Variants in TDRD10 observed in about 807,000 individuals in gnomAD.
TDRD10 encodes tudor domain-containing protein 10.
A neutral mutation model predicts 48.0 loss-of-function variants in TDRD10; 40 were observed. That is an observed-to-expected ratio of 0.83 (90% CI 0.65 to 1.09). The LOEUF is 1.09. TDRD10 is among the 50% of genes least tolerant of loss of function. The pLI is 0.00. For missense variants in TDRD10, 378 were observed against 434.7 expected (o/e 0.87, Z 1.16); for synonymous variants, 162 against 170.4 (o/e 0.95, Z 0.38).
At chr1:154,541,906 G>T (rs1695255109) in intron 6 of TDRD10, 118 bp from the exon 7 acceptor site, 12 of 948,662 alleles carry the variant, frequency 1.3e-5, no homozygotes, top group Admixed American at 2.4e-5. Context: ...TCTAAAGTCG[G>T]AGTCAGAACA....
chr1:154,520,028 C>T (rs745414483), intron 4 of TDRD10, among the ~76,000 whole-genome samples: 21 of 152,160 alleles, frequency 1.4e-4, no homozygotes, highest in Admixed American at 6.5e-4. Context: ...AATGACAGGC[C>T]GTGTGCGCCC....
chr1:154,515,274 AG>A (rs1175203845), intron 4 of TDRD10, among the ~76,000 whole-genome samples: 1 of 152,070 alleles, frequency 6.6e-6, no homozygotes, highest in Non-Finnish European at 1.5e-5. Context: ...CTGGGATTAC[AG>A]GTATGAGCCA....
rs1460652232 is a variant in TDRD10 at position 154,547,405 on chromosome 1, G to A, written c.953-4G>A. 6.2e-7 allele frequency: 1 copy of A among 1,614,096 alleles called. No individual in the cohort carries two copies. Among genetic ancestry groups the A allele is most frequent in the South Asian group, 1.1e-5 (1 of 91,084 alleles). On this transcript the variant is annotated splice_region_variant and splice_polypyrimidine_tract_variant and intron_variant, in intron 11 of 12. Transcript: ENST00000368482. ...AGGTTTTGTTGTTGTGTCTTGTTTT[G>A]CAGACATTTTGAGTTCGTATGAGGT...
chr1:154,516,162 G>A (rs979387091), intron 4 of TDRD10, among the ~76,000 whole-genome samples: 4 of 152,216 alleles, frequency 2.6e-5, no homozygotes, highest in African/African-American at 7.2e-5. Context: ...AGGAAGTGAA[G>A]ATAGCATAGA....
chr1:154,541,775 G>A (rs1441425790), intron 6 of TDRD10: 5 of 448,236 alleles, frequency 1.1e-5, no homozygotes, highest in Non-Finnish European at 2.0e-5. Flanking sequence ...TGTAGCTCCA[G>A]ATGAGTGCTC....
chr1:154,528,383 G>T (rs534207246), intron 6 of TDRD10, among the ~76,000 whole-genome samples: 1 of 150,550 alleles, frequency 6.6e-6, no homozygotes, highest in East Asian at 2.1e-4. Flanking sequence ...ACCACCACGC[G>T]CAGCAAATTT....
chr1:154,547,097 T>G (rs1695638729), intron 11 of TDRD10, among the ~76,000 whole-genome samples: 1 of 152,188 alleles, frequency 6.6e-6, no homozygotes, highest in Admixed American at 6.5e-5. Context: ...AGAGCAGAGT[T>G]CAGTGAACGT....
At chr1:154,524,661 T>C (rs1447909194) in intron 6 of TDRD10, among the ~76,000 whole-genome samples, 1 of 152,222 alleles carries the variant, frequency 6.6e-6, no homozygotes, top group African/African-American at 2.4e-5. Context: ...GTCTTTTTCT[T>C]GGGTAACACC....
chr1:154,539,206 C>T (rs1481585362), intron 6 of TDRD10, among the ~76,000 whole-genome samples: 1 of 152,216 alleles, frequency 6.6e-6, no homozygotes, highest in East Asian at 1.9e-4. Flanking sequence ...TAAATCCTCA[C>T]ATCAAGACAG....
chr1:154,504,586 TG>T, intron 1 of TDRD10, among the ~76,000 whole-genome samples: 1 of 152,300 alleles, frequency 6.6e-6, no homozygotes, highest in East Asian at 1.9e-4. Context: ...TGATATGAAG[TG>T]TTATCTTTGT....
intron 6 of TDRD10, among the ~76,000 whole-genome samples, chr1:154,541,650 C>T (rs754959735): frequency 2.0e-5 from 3 of 152,134 alleles, no homozygotes; most frequent in African/African-American, 4.8e-5. Flanking sequence ...ACCAGGTGAC[C>T]GCTACTACTT....
At chr1:154,515,861 C>A (rs1029029322) in intron 4 of TDRD10, among the ~76,000 whole-genome samples, 2 of 152,254 alleles carry the variant, frequency 1.3e-5, no homozygotes, top group South Asian at 4.1e-4. Flanking sequence ...ATTACAGGCA[C>A]CTGTCACCAC....
At chr1:154,541,172 C>T (rs369968104) in intron 6 of TDRD10, among the ~76,000 whole-genome samples, 3 of 150,522 alleles carry the variant, frequency 2.0e-5, no homozygotes, top group Admixed American at 6.6e-5. Flanking sequence ...AAGGCTCACA[C>T]GGGAGGGAGA....
chr1:154,514,142 G>T (rs1232228197), intron 4 of TDRD10, among the ~76,000 whole-genome samples: 3 of 152,102 alleles, frequency 2.0e-5, no homozygotes, highest in Non-Finnish European at 4.4e-5. Context: ...GCGAGCTGAG[G>T]TCACGCCACC....
intron 6 of TDRD10, among the ~76,000 whole-genome samples, chr1:154,534,342 C>G (rs1229637064): frequency 6.6e-6 from 1 of 152,206 alleles, no homozygotes; most frequent in Non-Finnish European, 1.5e-5. Flanking sequence ...AAGAAAGAAA[C>G]AACCTAATAG....
chr1:154,506,856 T>C (rs1693179762), intron 1 of TDRD10, 21 bp from the exon 2 acceptor site: 3 of 1,605,816 alleles, frequency 1.9e-6, no homozygotes, highest in African/African-American at 1.3e-5. Flanking sequence ...TTCCTCTAAC[T>C]GTGGCCGGTT....
In TDRD10 at chr1:154,503,027, G is replaced by C. The variant is rs928237892; in HGVS notation, c.-30G>C. ...GGTGCACGCGCGTGGCCCGCGAGAC[G>C]AGGTATGGCTTGTCGGCCCCAGGTC... On this transcript the variant is annotated splice_region_variant and 5_prime_UTR_variant, in exon 1 of 13. Transcript: ENST00000368482. 1 of 152,194 alleles carries C rather than the reference G, an allele frequency of 6.6e-6. No homozygotes were observed. Among genetic ancestry groups the C allele is most frequent in the Non-Finnish European group, 1.5e-5 (1 of 68,042 alleles). The allele number at this position is 152,194 out of a possible 1,614,324, so 9.4% of individuals were successfully genotyped here.
At chr1:154,530,314 A>G (rs1694544553) in intron 6 of TDRD10, among the ~76,000 whole-genome samples, 1 of 151,964 alleles carries the variant, frequency 6.6e-6, no homozygotes, top group African/African-American at 2.4e-5. Context: ...CTGGCCTAAA[A>G]ACATTTTCAT....
At chr1:154,541,372 A>G (rs1170378530) in intron 6 of TDRD10, among the ~76,000 whole-genome samples, 1 of 152,044 alleles carries the variant, frequency 6.6e-6, no homozygotes, top group Non-Finnish European at 1.5e-5. Flanking sequence ...AGGCAAGTTA[A>G]TGGGCAGGGG....
Sources: allele counts gnomAD v4.1 joint callset (sites outside exome capture counted in the v4.1 genomes callset), GRCh38; gene constraint gnomAD v4.1.1; transcripts MANE v1.5; gene names NCBI Gene and HGNC (gene_info 2026-07-23, HGNC 2026-07-21).